Variants in VPS41 observed in about 807,000 individuals in gnomAD.
The protein encoded by VPS41 is vacuolar protein sorting-associated protein 41 homolog.
A neutral mutation model predicts 130.9 loss-of-function variants in VPS41; 85 were observed. The ratio of observed to expected loss-of-function variants is 0.65; its 90% CI spans 0.55 to 0.78. VPS41 has a LOEUF of 0.78. VPS41 is among the 30% of genes least tolerant of loss of function. The probability of loss-of-function intolerance (pLI) is 0.00; values close to 1 mark genes in which losing one functional copy is unlikely to be tolerated. For missense variants in VPS41, 874 were observed against 1,018.7 expected (o/e 0.86, Z 1.93); for synonymous variants, 335 against 332.9 (o/e 1.01, Z -0.07).
At chr7:38,785,805 T>C (rs945113691) in intron 10 of VPS41, among the ~76,000 whole-genome samples, 1 of 152,210 alleles carries the variant, frequency 6.6e-6, no homozygotes, top group Non-Finnish European at 1.5e-5. Context: ...TCCCTTTCCT[T>C]AGAAACAATT....
chr7:38,733,444 A>G (rs148802120), intron 25 of VPS41, among the ~76,000 whole-genome samples: 1 of 152,274 alleles, frequency 6.6e-6, no homozygotes, highest in African/African-American at 2.4e-5. Context: ...GGAATTTGCA[A>G]ATACATTTTG....
At chr7:38,804,813 A>G (rs550754090) in intron 7 of VPS41, among the ~76,000 whole-genome samples, 3 of 152,360 alleles carry the variant, frequency 2.0e-5, no homozygotes, top group African/African-American at 7.2e-5. Context: ...GCACATAATT[A>G]CAAGTGCGAT....
chr7:38,888,231 G>A (rs768566628), intron 2 of VPS41, among the ~76,000 whole-genome samples: 3 of 151,756 alleles, frequency 2.0e-5, no homozygotes, highest in Non-Finnish European at 2.9e-5. Flanking sequence ...AGACACAGAC[G>A]CAAACTGGAT....
chr7:38,774,319 A>G, intron 11 of VPS41, 75 bp from the exon 12 acceptor site: 2 of 1,358,196 alleles, frequency 1.5e-6, no homozygotes, highest in Non-Finnish European at 1.9e-6. Flanking sequence ...CTAGTTAGCC[A>G]TACATATTAG....
chr7:38,728,998 G>A (rs1172032145), intron 25 of VPS41, among the ~76,000 whole-genome samples: 5 of 152,120 alleles, frequency 3.3e-5, no homozygotes, highest in South Asian at 2.1e-4. Flanking sequence ...TACTCTGTGC[G>A]TCATTTCATC....
chr7:38,836,783 A>T (rs951807619), intron 4 of VPS41, among the ~76,000 whole-genome samples: 1 of 152,192 alleles, frequency 6.6e-6, no homozygotes, highest in Non-Finnish European at 1.5e-5. Context: ...TGGAAACAGC[A>T]AACTTTTTAA....
At chr7:38,754,853 G>A (rs1257095152) in intron 20 of VPS41, 42 bp downstream of exon 20, 1 of 1,601,236 alleles carries the variant, frequency 6.2e-7, no homozygotes, top group African/African-American at 1.3e-5. Flanking sequence ...AGGAGTCCCA[G>A]ACGTTCATCT....
chr7:38,902,522 T>A (rs1002064570), intron 1 of VPS41, among the ~76,000 whole-genome samples: 5 of 152,030 alleles, frequency 3.3e-5, no homozygotes, highest in African/African-American at 1.2e-4. Flanking sequence ...TATGTCTACA[T>A]AAGATCCACA....
chr7:38,894,448 T>C (rs1786935435), intron 2 of VPS41, among the ~76,000 whole-genome samples: 1 of 143,492 alleles, frequency 7.0e-6, no homozygotes, highest in Non-Finnish European at 1.5e-5. Context: ...GCACGGAGGC[T>C]AGGGTTGGGG....
At chr7:38,880,359 T>C (rs1562621394) in intron 2 of VPS41, among the ~76,000 whole-genome samples, 1 of 152,112 alleles carries the variant, frequency 6.6e-6, no homozygotes, top group East Asian at 1.9e-4. Context: ...CCACATCATT[T>C]AAAAAAATTT....
intron 10 of VPS41, among the ~76,000 whole-genome samples, chr7:38,785,213 T>C (rs1386585978): frequency 6.6e-6 from 1 of 152,208 alleles, no homozygotes; most frequent in Admixed American, 6.5e-5. Context: ...CACTTATCAC[T>C]GAAAATACAT....
chr7:38,791,847 AG>A (rs1204267797), intron 9 of VPS41, among the ~76,000 whole-genome samples: 1 of 152,098 alleles, frequency 6.6e-6, no homozygotes, highest in Admixed American at 6.6e-5. Flanking sequence ...GGATAGGTTT[AG>A]GGGGGGTAAA....
At chr7:38,778,289 CA>C (rs1331303780) in intron 10 of VPS41, among the ~76,000 whole-genome samples, 1 of 152,096 alleles carries the variant, frequency 6.6e-6, no homozygotes. Context: ...GATAAATGTT[CA>C]CAAAAGAGCT....
chr7:38,796,949 G>T, intron 7 of VPS41, 85 bp from the exon 8 acceptor site: 1 of 1,508,618 alleles, frequency 6.6e-7, no homozygotes, highest in Non-Finnish European at 9.1e-7. Flanking sequence ...ACCTATCCTC[G>T]TGACCAAATA....
chr7:38,736,786 T>C (rs760862498), intron 25 of VPS41, among the ~76,000 whole-genome samples: 5 of 152,224 alleles, frequency 3.3e-5, no homozygotes, highest in African/African-American at 4.8e-5. Context: ...ACTGAAAGCA[T>C]GAGCACCAAA....
At position 38,758,356 on chromosome 7, in the gene VPS41, T is replaced by A. The variant is rs1783845736; in HGVS notation, c.1548A>T (p.Glu516Asp). Reference sequence around the variant, plus strand: ...AAGAAACACTTAAGTATACTCACAATTCTGCCAGGGTTTTAAGTAAAGTCT... The same window carrying A: ...AAGAAACACTTAAGTATACTCACAAATCTGCCAGGGTTTTAAGTAAAGTCT... ...QNKTLLKTLA[E>D]LYTYDKNYGN... is the part of the protein sequence containing the mutation. The change falls in exon 18 of 29, where the codon GAA (glutamate) becomes GAT (aspartate). Residue 516 changes from glutamate (E) to aspartate (D), a missense_variant and splice_region_variant. Transcript: ENST00000310301. 1 of 1,606,918 alleles carries A rather than the reference T, an allele frequency of 6.2e-7. No homozygotes were observed. The highest frequency in any genetic ancestry group is 1.7e-5 in the Admixed American group (1 of 58,360).
At chr7:38,728,212 T>TA (rs1162592814) in intron 27 of VPS41, 1 of 495,928 alleles carries the variant, frequency 2.0e-6, no homozygotes, top group Non-Finnish European at 3.7e-6. Context: ...GCATCAACAT[T>TA]ACCTGGGAAC....
intron 22 of VPS41, among the ~76,000 whole-genome samples, chr7:38,746,745 A>C (rs772481489): frequency 5.3e-5 from 8 of 152,158 alleles, no homozygotes; most frequent in Admixed American, 6.5e-5. Flanking sequence ...AATCTCTACC[A>C]CGACTTACAA....
intron 25 of VPS41, among the ~76,000 whole-genome samples, chr7:38,738,785 T>C (rs1248980553): frequency 6.6e-6 from 1 of 152,228 alleles, no homozygotes; most frequent in African/African-American, 2.4e-5. Context: ...GCTTTTAAAA[T>C]TTGTGCAGTG....
Sources: allele counts gnomAD v4.1 joint callset (sites outside exome capture counted in the v4.1 genomes callset), GRCh38; gene constraint gnomAD v4.1.1; transcripts MANE v1.5; gene names NCBI Gene and HGNC (gene_info 2026-07-23, HGNC 2026-07-21).